The following KIAA1328 variants were observed in gnomAD, a reference collection of about 807,000 sequenced individuals.
The protein encoded by KIAA1328 is KIAA1328, also known as protein hinderin.
In KIAA1328, 52 loss-of-function variants were observed where a neutral mutation model predicts 68.1. The ratio of observed to expected loss-of-function variants is 0.76; its 90% CI spans 0.61 to 0.96. The LOEUF (loss-of-function observed/expected upper bound fraction) is 0.96, where lower values mean the gene tolerates loss of function less well. KIAA1328 is among the 40% of genes least tolerant of loss of function. KIAA1328 has a pLI of 0.00. For synonymous variants in KIAA1328, 232 were observed against 239.4 expected, an observed-to-expected ratio of 0.97 and a Z score of 0.28; for missense variants, 641 against 677.6, an observed-to-expected ratio of 0.95 and a Z score of 0.60.
intron 9 of KIAA1328, among the ~76,000 whole-genome samples, chr18:37,199,430 T>G (rs2060065542): frequency 6.6e-6 from 1 of 152,212 alleles, no homozygotes. Context: ...CATTATCTCA[T>G]TCCTTTTTAT....
chr18:36,853,084 A>C (rs1178993162), intron 4 of KIAA1328, among the ~76,000 whole-genome samples: 1 of 152,192 alleles, frequency 6.6e-6, no homozygotes, highest in Admixed American at 6.5e-5. Context: ...TTTGATATTA[A>C]TATAGCAAAC....
At position 37,135,076 on chromosome 18, in the gene KIAA1328, C is replaced by A. The variant is rs116399384; in HGVS notation, c.1233-25124C>A. 6.8e-3 allele frequency among the ~76,000 whole-genome samples: 1,034 copies of A among 152,138 alleles called. 15 individuals are homozygous for A. Among genetic ancestry groups the A allele is most frequent in the African/African-American group, 0.023 (959 of 41,506 alleles). Reference sequence around the variant, plus strand: ...GTAGTATTTCATAGTGTATACTTGCCATATTTCCTTTGTCCAGTATACCAC... The same window carrying A: ...GTAGTATTTCATAGTGTATACTTGCAATATTTCCTTTGTCCAGTATACCAC... On this transcript the variant is annotated intron_variant, in intron 7 of 9. Transcript: ENST00000280020.
At chr18:36,907,982 A>G (rs367768729) in intron 5 of KIAA1328, among the ~76,000 whole-genome samples, 7 of 152,034 alleles carry the variant, frequency 4.6e-5, no homozygotes, top group South Asian at 2.1e-4. Context: ...AGATTACCCA[A>G]TTTTTCTTGA....
chr18:36,927,837 G>C (rs1332212989), intron 5 of KIAA1328, among the ~76,000 whole-genome samples: 1 of 151,208 alleles, frequency 6.6e-6, no homozygotes, highest in African/African-American at 2.4e-5. Context: ...AGAAAGGAAA[G>C]AAGGAAGGGA....
chr18:36,965,596 C>G (rs936104283), intron 6 of KIAA1328, among the ~76,000 whole-genome samples: 9 of 148,690 alleles, frequency 6.1e-5, no homozygotes, highest in South Asian at 4.3e-4. Context: ...GTCTCAGACT[C>G]CTGACCTCAG....
At chr18:37,139,791 T>C (rs2058728868) in intron 7 of KIAA1328, among the ~76,000 whole-genome samples, 1 of 152,186 alleles carries the variant, frequency 6.6e-6, no homozygotes, top group Non-Finnish European at 1.5e-5. Flanking sequence ...TGTTCTAACT[T>C]GAACAGTACA....
chr18:37,219,125 C>T (rs1294358926), intron 9 of KIAA1328, among the ~76,000 whole-genome samples: 1 of 152,184 alleles, frequency 6.6e-6, no homozygotes, highest in African/African-American at 2.4e-5. Flanking sequence ...CCCTGTTTGC[C>T]TGGGTGTCAC....
intron 6 of KIAA1328, among the ~76,000 whole-genome samples, chr18:37,002,310 G>A (rs1283442737): frequency 3.5e-5 from 5 of 141,572 alleles, no homozygotes; most frequent in Non-Finnish European, 7.5e-5. Context: ...CTGGGCTCAA[G>A]TGATCCTCCC....
chr18:37,160,123 C>A, intron 7 of KIAA1328, 77 bp from the exon 8 acceptor site: 2 of 1,125,792 alleles, frequency 1.8e-6, no homozygotes, highest in Admixed American at 3.0e-5. Context: ...CATTTCAACC[C>A]ATACTGAATT....
intron 6 of KIAA1328, among the ~76,000 whole-genome samples, chr18:37,049,961 G>T (rs2055624581): frequency 6.6e-6 from 1 of 152,044 alleles, no homozygotes; most frequent in South Asian, 2.1e-4. Flanking sequence ...GGGACAGCTG[G>T]GTTTGTGCAG....
At chr18:37,095,933 C>A (rs1012429185) in intron 7 of KIAA1328, among the ~76,000 whole-genome samples, 1 of 151,930 alleles carries the variant, frequency 6.6e-6, no homozygotes, top group Non-Finnish European at 1.5e-5. Context: ...CATAATTGAA[C>A]CGGGAAGAAA....
At chr18:36,837,457 A>T (rs1376661353) in intron 3 of KIAA1328, among the ~76,000 whole-genome samples, 1 of 152,164 alleles carries the variant, frequency 6.6e-6, no homozygotes, top group Non-Finnish European at 1.5e-5. Flanking sequence ...CTGTTAAGTT[A>T]TGAGTTCTTT....
At chr18:37,103,420 A>G (rs1438914473) in intron 7 of KIAA1328, among the ~76,000 whole-genome samples, 1 of 152,322 alleles carries the variant, frequency 6.6e-6, no homozygotes, top group Middle Eastern at 3.4e-3. Context: ...AGTCTTTTCA[A>G]TAAACCATTC....
At chr18:37,055,950 C>T (rs1777611537) in intron 6 of KIAA1328, among the ~76,000 whole-genome samples, 1 of 152,084 alleles carries the variant, frequency 6.6e-6, no homozygotes, top group African/African-American at 2.4e-5. Context: ...CTCATAAATG[C>T]ATTGGAAGTA....
Position 36,905,418 on chromosome 18 carries a change from G to A in KIAA1328, c.448+19746G>A, listed in dbSNP as rs1302430130. On this transcript the variant is annotated intron_variant, in intron 5 of 9. Coordinates refer to ENST00000280020, the MANE Select transcript of KIAA1328 (RefSeq NM_020776.3). ...TGACCCACCATGCCTGGCCTTGTAA[G>A]GATATTTAAATAAGGAAAATAAATT... is the stretch of plus-strand genomic sequence containing the variant. Among the ~76,000 whole-genome samples, 3 of 152,004 alleles carry A rather than the reference G, an allele frequency of 2.0e-5. No individual in the cohort carries two copies. The East Asian group carries it at 5.8e-4, about 29-fold the overall frequency.
intron 9 of KIAA1328, among the ~76,000 whole-genome samples, chr18:37,175,177 T>A (rs551870083): frequency 9.8e-5 from 15 of 152,342 alleles, no homozygotes; most frequent in Admixed American, 7.2e-4. Context: ...ATCTGGATTT[T>A]CAATCTTAGT....
chr18:36,935,219 T>G (rs2050455341), intron 5 of KIAA1328, among the ~76,000 whole-genome samples: 1 of 152,198 alleles, frequency 6.6e-6, no homozygotes, highest in Non-Finnish European at 1.5e-5. Flanking sequence ...ACTTGAATGG[T>G]TGGTTACAGA....
At chr18:37,067,628 T>A in intron 7 of KIAA1328, 83 bp downstream of exon 7, 1 of 1,348,900 alleles carries the variant, frequency 7.4e-7, no homozygotes, top group Non-Finnish European at 9.8e-7. Context: ...TGGCACAATC[T>A]CAGCTCACTG....
chr18:36,960,190 G>T (rs559935913), intron 6 of KIAA1328, among the ~76,000 whole-genome samples: 1 of 152,182 alleles, frequency 6.6e-6, no homozygotes. Flanking sequence ...TCATGCCCAC[G>T]GAGCCTTGCT....
Sources: gnomAD v4.1 joint callset for allele counts (sites outside exome capture counted in the v4.1 genomes callset) on GRCh38, gnomAD v4.1.1 for gene constraint, MANE v1.5 for transcripts, NCBI Gene and HGNC (gene_info 2026-07-23, HGNC 2026-07-21) for gene names.